The following NRGN variants were observed in gnomAD, a reference collection of about 807,000 sequenced individuals.
The protein encoded by NRGN is calmodulin-binding protein.
For synonymous variants in NRGN, 47 were observed against 52.8 expected (o/e 0.89, Z 0.47); for missense variants, 82 against 123.0 (o/e 0.67, Z 1.58).
Position 124,745,876 on chromosome 11 carries a change from G to A in NRGN, c.*6-89G>A, listed in dbSNP as rs1944005780. ...TAGAAATCCGAGATGGGAGGTGGGT[G>A]GGAAGAGGCTGAAGGTTGCGCGGAT... On this transcript the variant is annotated intron_variant, in intron 2 of 3. Transcript: ENST00000284292. The surrounding 1 kb of genome is among the most constrained non-coding windows in gnomAD (Gnocchi z 6.4). The A allele has an allele frequency of 2.5e-6, 1 of 406,200 alleles. No homozygotes were observed. Among genetic ancestry groups the A allele is most frequent in the Non-Finnish European group, 4.2e-6 (1 of 235,588 alleles). The allele number at this position is 406,200 out of a possible 1,614,324, so 25.2% of individuals were successfully genotyped here.
In NRGN at chr11:124,740,630, T is replaced by G. The variant is rs938845709; in HGVS notation, c.15+531T>G. Among the ~76,000 whole-genome samples the G allele has an allele frequency of 2.0e-5, 3 of 152,244 alleles. No individual in the cohort carries two copies. The highest frequency in any genetic ancestry group is 4.4e-5 in the Non-Finnish European group (3 of 68,044). On this transcript the variant is annotated intron_variant, in intron 1 of 3. Coordinates refer to ENST00000284292, the MANE Select transcript of NRGN (RefSeq NM_006176.3). This position sits in a 1 kb window ranked among gnomAD's most constrained non-coding sequence, Gnocchi z 7.5. ...GTGATGCTGGCTGCAAAGAGCCTAG[T>G]CAGGGTGGTTCTGGGGAGGGGTTGT...
rs1327709047 is a variant in NRGN, at chr11:124,740,031, C to T, written c.-54C>T. 1.8e-6 allele frequency: 2 copies of T among 1,081,368 alleles called. No individual in the cohort carries two copies. Among genetic ancestry groups the T allele is most frequent in the East Asian group, 3.2e-5 (1 of 31,280 alleles). 67.0% of individuals were successfully genotyped at this position (1,081,368 alleles called of 1,614,324 possible). ...GCCCCCACCCGGCACCACACAGACC[C>T]CACCCCCGCCCTGCGCCAGCCTTCG... On this transcript the variant is annotated 5_prime_UTR_variant, in exon 1 of 4. Transcript: ENST00000284292. The surrounding 1 kb of genome is among the most constrained non-coding windows in gnomAD (Gnocchi z 7.5).
Position 124,740,010 on chromosome 11 carries a change from C to T in NRGN, c.-75C>T. 2 of 687,406 alleles carry T rather than the reference C, an allele frequency of 2.9e-6. No homozygotes were observed. The highest frequency in any genetic ancestry group is 3.4e-5 in the East Asian group (1 of 29,814). The allele number at this position is 687,406 out of a possible 1,614,324, so 42.6% of individuals were successfully genotyped here. On this transcript the variant is annotated 5_prime_UTR_variant, in exon 1 of 4. Coordinates refer to ENST00000284292, the MANE Select transcript of NRGN (RefSeq NM_006176.3). This position sits in a 1 kb window ranked among gnomAD's most constrained non-coding sequence, Gnocchi z 7.5. ...CTGGCGGCCGACTGCCCCAGAGCCC[C>T]CACCCGGCACCACACAGACCCCACC...
rs1431899178 is a variant in NRGN, at chr11:124,744,504, TA to T, written c.16-998del. 3.9e-5 allele frequency: 6 copies of T among 152,310 alleles called. No individual in the cohort carries two copies. The East Asian group carries it at 1.2e-3, about 29-fold the overall frequency. The allele number at this position is 152,310 out of a possible 1,614,324, so 9.4% of individuals were successfully genotyped here. A position where few individuals can be genotyped will look rare whatever the true frequency, so the allele number is the denominator to read the frequency against. ...GGCTGCATTTTCTTATCCTACAAAG[TA>T]GGGGTAAAAATATATATTCTGGACT... On this transcript the variant is annotated intron_variant, in intron 1 of 3. Coordinates refer to ENST00000284292, the MANE Select transcript of NRGN (RefSeq NM_006176.3).
At chr11:124,743,618 T>A (rs1943984285) in intron 1 of NRGN, among the ~76,000 whole-genome samples, 1 of 152,176 alleles carries the variant, frequency 6.6e-6, no homozygotes, top group Non-Finnish European at 1.5e-5. Context: ...TTGAAGAATG[T>A]GAAGCCCAGG....
At chr11:124,746,339 G>A (rs1944010177) in intron 3 of NRGN, 65 bp from the exon 4 acceptor site, 1 of 152,686 alleles carries the variant, frequency 6.5e-6, no homozygotes, top group South Asian at 2.1e-4. Flanking sequence ...TACTGAAAGG[G>A]GGAAGGGTGG....
rs1231413199 is a variant in NRGN at position 124,739,973 on chromosome 11, G to C, written c.-112G>C. 8.2e-6 allele frequency: 4 copies of C among 487,568 alleles called. No homozygotes were observed. Among genetic ancestry groups the C allele is most frequent in the Admixed American group, 4.2e-5 (1 of 23,666 alleles). The allele number at this position is 487,568 out of a possible 1,614,324, so 30.2% of individuals were successfully genotyped here. On this transcript the variant is annotated 5_prime_UTR_variant, in exon 1 of 4. Transcript: ENST00000284292. ...GACCCGAGAGCAGAGCTGCTGTTTC[G>C]GCGCGGGTCGGCTGGCGGCCGACTG...
intron 1 of NRGN, among the ~76,000 whole-genome samples, chr11:124,743,061 T>TG (rs1304865475): frequency 6.6e-6 from 1 of 152,232 alleles, no homozygotes; most frequent in Non-Finnish European, 1.5e-5. Flanking sequence ...CCATGACCAA[T>TG]GAACCTCTTC....
intron 1 of NRGN, among the ~76,000 whole-genome samples, chr11:124,744,105 C>T (rs1007099714): frequency 1.3e-5 from 2 of 152,176 alleles, no homozygotes; most frequent in Admixed American, 6.5e-5. Context: ...AATCCCCTCA[C>T]GCCTTCTACT....
chr11:124,743,506 C>T (rs764219215), intron 1 of NRGN, among the ~76,000 whole-genome samples: 61 of 152,108 alleles, frequency 4.0e-4, no homozygotes, highest in Non-Finnish European at 7.1e-4. Flanking sequence ...CCATACCTGC[C>T]TTTTTGTAAC....
At chr11:124,744,199 T>C (rs1257763083) in intron 1 of NRGN, among the ~76,000 whole-genome samples, 1 of 152,246 alleles carries the variant, frequency 6.6e-6, no homozygotes, top group African/African-American at 2.4e-5. Context: ...TTGAACCATA[T>C]GAAATTGTTA....
rs1943957461 is a variant in NRGN at position 124,740,334 on chromosome 11, G to A, written c.15+235G>A. On this transcript the variant is annotated intron_variant, in intron 1 of 3. Coordinates refer to ENST00000284292, the MANE Select transcript of NRGN (RefSeq NM_006176.3). This position sits in a 1 kb window ranked among gnomAD's most constrained non-coding sequence, Gnocchi z 7.5. ...GGGGCGTCTGAGCGCCCATCCGTTAGACAGCCTAGGCTGGACTGGGAGCTC... is the reference window on the plus strand; with the variant it reads ...GGGGCGTCTGAGCGCCCATCCGTTAAACAGCCTAGGCTGGACTGGGAGCTC... Among the ~76,000 whole-genome samples the A allele has an allele frequency of 6.6e-6, 1 of 152,250 alleles. No individual in the cohort carries two copies. Among genetic ancestry groups the A allele is most frequent in the South Asian group, 2.1e-4 (1 of 4,824 alleles).
intron 1 of NRGN, among the ~76,000 whole-genome samples, chr11:124,741,999 G>A (rs944385026): frequency 6.6e-6 from 1 of 152,160 alleles, no homozygotes; most frequent in Admixed American, 6.5e-5. Flanking sequence ...CCATGGCCCA[G>A]GGCCTGGGGC....
Position 124,740,040 on chromosome 11 carries a change from C to G in NRGN, c.-45C>G. ...CGGCACCACACAGACCCCACCCCCGCCCTGCGCCAGCCTTCGTCCCCGCAG... is the reference window on the plus strand; with the variant it reads ...CGGCACCACACAGACCCCACCCCCGGCCTGCGCCAGCCTTCGTCCCCGCAG... On this transcript the variant is annotated 5_prime_UTR_variant, in exon 1 of 4. Coordinates refer to ENST00000284292, the MANE Select transcript of NRGN (RefSeq NM_006176.3). The surrounding 1 kb of genome is among the most constrained non-coding windows in gnomAD (Gnocchi z 7.5). The G allele has an allele frequency of 8.1e-7, 1 of 1,240,498 alleles. No homozygotes were observed. 76.8% of individuals were successfully genotyped at this position (1,240,498 alleles called of 1,614,324 possible).
Position 124,740,321 on chromosome 11 carries a change from C to T in NRGN, c.15+222C>T, listed in dbSNP as rs1167148362. Among the ~76,000 whole-genome samples the T allele has an allele frequency of 6.6e-6, 1 of 152,220 alleles. No homozygotes were observed. The highest frequency in any genetic ancestry group is 1.9e-4 in the East Asian group (1 of 5,188). On this transcript the variant is annotated intron_variant, in intron 1 of 3. Coordinates refer to ENST00000284292, the MANE Select transcript of NRGN (RefSeq NM_006176.3). This position sits in a 1 kb window ranked among gnomAD's most constrained non-coding sequence, Gnocchi z 7.5. ...TCCTCAACTCGCGGGGGCGTCTGAG[C>T]GCCCATCCGTTAGACAGCCTAGGCT...
At chr11:124,743,044 C>A (rs1943978468) in intron 1 of NRGN, among the ~76,000 whole-genome samples, 1 of 152,222 alleles carries the variant, frequency 6.6e-6, no homozygotes, top group Non-Finnish European at 1.5e-5. Context: ...AAAGCACCAG[C>A]CAGGCACCAT....
rs1943958280 is a variant in NRGN, at chr11:124,740,486, C to G, written c.15+387C>G. ...CTTCCTCCCGTCTTTCGGCCCCCACCCCGTTCCCCATCCCACTGCGCCGCC... is the reference window on the plus strand; with the variant it reads ...CTTCCTCCCGTCTTTCGGCCCCCACGCCGTTCCCCATCCCACTGCGCCGCC... On this transcript the variant is annotated intron_variant, in intron 1 of 3. Transcript: ENST00000284292. This position sits in a 1 kb window ranked among gnomAD's most constrained non-coding sequence, Gnocchi z 7.5. Among the ~76,000 whole-genome samples the G allele has an allele frequency of 6.6e-6, 1 of 152,242 alleles. No homozygotes were observed. Among genetic ancestry groups the G allele is most frequent in the Admixed American group, 6.5e-5 (1 of 15,290 alleles).
At chr11:124,742,114 G>A (rs1293493699) in intron 1 of NRGN, among the ~76,000 whole-genome samples, 1 of 152,078 alleles carries the variant, frequency 6.6e-6, no homozygotes, top group Non-Finnish European at 1.5e-5. Context: ...TTATCAGACT[G>A]TGCAGGAGGG....
intron 1 of NRGN, among the ~76,000 whole-genome samples, chr11:124,743,472 G>C (rs760846777): frequency 3.3e-5 from 5 of 152,172 alleles, no homozygotes; most frequent in African/African-American, 4.8e-5. Flanking sequence ...GAGCACCCTA[G>C]ACCTGTGTTT....
Sources: gnomAD v4.1 joint callset for allele counts (sites outside exome capture counted in the v4.1 genomes callset) on GRCh38, gnomAD v4.1.1 for gene constraint, Gnocchi (gnomAD v3.1) non-coding constraint, MANE v1.5 for transcripts, NCBI Gene and HGNC (gene_info 2026-07-23, HGNC 2026-07-21) for gene names.